The following SNAPC4 variants were observed in gnomAD, a reference collection of about 807,000 sequenced individuals.
SNAPC4 encodes the protein small nuclear RNA activating complex polypeptide 4.
A neutral mutation model predicts 151.3 loss-of-function variants in SNAPC4; 127 were observed. The ratio of observed to expected loss-of-function variants is 0.84; its 90% confidence interval spans 0.73 to 0.97. The LOEUF is 0.97. Among genes scored for constraint, SNAPC4 ranks in the 50% least tolerant of loss-of-function variants. SNAPC4 has a pLI of 0.00. For synonymous variants in SNAPC4, 1,002 were observed against 824.4 expected, an observed-to-expected ratio of 1.22 and a Z score of -3.69; for missense variants, 2,186 against 1,935.0, an observed-to-expected ratio of 1.13 and a Z score of -2.43.
At chr9:136,382,407 C>T in intron 16 of SNAPC4, 71 bp from the exon 17 acceptor site, 1 of 1,265,342 alleles carries the variant, frequency 7.9e-7, no homozygotes, top group South Asian at 1.2e-5. Flanking sequence ...CCCTCGCTGC[C>T]CACACACGAC....
chr9:136,376,221 C>T (rs1833439368), intron 23 of SNAPC4, 128 bp downstream of exon 23: 1 of 1,128,676 alleles, frequency 8.9e-7, no homozygotes, highest in Non-Finnish European at 1.3e-6. Context: ...GACCCTGGAC[C>T]TGCCCACCTA....
chr9:136,380,964 C>G, intron 19 of SNAPC4, 114 bp from the exon 20 acceptor site: 1 of 640,384 alleles, frequency 1.6e-6, no homozygotes, highest in Non-Finnish European at 2.8e-6. Flanking sequence ...TACCTTGAGA[C>G]CTCAGCCTTC....
chr9:136,396,836 T>C (rs1428844253), intron 3 of SNAPC4, 141 bp downstream of exon 3: 2 of 748,006 alleles, frequency 2.7e-6, no homozygotes, highest in African/African-American at 1.7e-5. Context: ...AAATGCTTTT[T>C]AATTTTTTTA....
chr9:136,387,529 G>T lies in SNAPC4; in HGVS notation c.1281C>A (p.Ile427=), dbSNP rs1833930501. 1 of 1,613,994 alleles carries T rather than the reference G, an allele frequency of 6.2e-7. No individual in the cohort carries two copies. Among genetic ancestry groups the T allele is most frequent in the African/African-American group, 1.3e-5 (1 of 75,046 alleles). ...AKYGEQDWFK[I]REEVPGRSDA... Reference sequence around the variant, plus strand: ...CGCTCCTACCTGGCACCTCTTCCCGGATTTTAAACCAATCCTGCTCCCCGT... The same window carrying T: ...CGCTCCTACCTGGCACCTCTTCCCGTATTTTAAACCAATCCTGCTCCCCGT... The change falls in exon 13 of 24, where the codon ATC becomes ATA. Residue 427 remains isoleucine (I), a synonymous_variant. Transcript: ENST00000684778.
rs1189873149 is a variant in SNAPC4 at position 136,378,274 on chromosome 9, G to T, written c.3553C>A (p.Pro1185Thr). The T allele has an allele frequency of 5.6e-6, 9 of 1,606,036 alleles. No homozygotes were observed. Among genetic ancestry groups the T allele is most frequent in the Non-Finnish European group, 7.6e-6 (9 of 1,176,990 alleles). Residue 1185 changes from proline (P) to threonine (T), a missense_variant, in exon 22 of 24, where the codon CCT (proline) becomes ACT (threonine). Transcript: ENST00000684778. Reference sequence around the variant, plus strand: ...GCGTGGGAGGACGTCCTGGGCTCAGGTATCTCCCTGGCCACCTGGGCCTCT... The same window carrying T: ...GCGTGGGAGGACGTCCTGGGCTCAGTTATCTCCCTGGCCACCTGGGCCTCT... ...PGEAQVAREI[P>T]EPRTSSHADP...
Position 136,382,065 on chromosome 9 carries a change from C to T in SNAPC4, c.2076G>A (p.Gln692=), listed in dbSNP as rs1250369113. ...TAARSCTQKE[Q]LRQPPLPTSS... is the part of the protein sequence containing the mutation. ...AGGTGGGCAGGGGTGGCTGCCTCAG[C>T]TGCTCTTTCTGTAAGGAGAAGGCAG... The change falls in exon 18 of 24, where the codon CAG becomes CAA. Residue 692 remains glutamine, a synonymous_variant. Coordinates refer to ENST00000684778, the MANE Select transcript of SNAPC4 (RefSeq NM_003086.4). The T allele has an allele frequency of 1.3e-6, 2 of 1,585,568 alleles. No individual in the cohort carries two copies. Among genetic ancestry groups the T allele is most frequent in the East Asian group, 2.3e-5 (1 of 43,382 alleles).
At chr9:136,377,406 C>T in intron 22 of SNAPC4, 137 bp downstream of exon 22, 1 of 1,126,244 alleles carries the variant, frequency 8.9e-7, no homozygotes, top group Non-Finnish European at 1.2e-6. Context: ...GAACCAGCTT[C>T]CTCCTCCTAA....
rs755659299 is a variant in SNAPC4, at chr9:136,394,235, G to C, written c.632+14C>G. 1 of 1,600,008 alleles carries C rather than the reference G, an allele frequency of 6.2e-7. No individual in the cohort carries two copies. Among genetic ancestry groups the C allele is most frequent in the Admixed American group, 1.7e-5 (1 of 58,944 alleles). On this transcript the variant is annotated intron_variant, in intron 7 of 23. Coordinates refer to ENST00000684778, the MANE Select transcript of SNAPC4 (RefSeq NM_003086.4). ...AGCCTGAAGACCGTTTTTGACTTAT[G>C]GTTTTAGACTTACTTCAGTAACTTG...
chr9:136,380,331 G>A (rs1376783373), intron 20 of SNAPC4, among the ~76,000 whole-genome samples: 2 of 152,172 alleles, frequency 1.3e-5, no homozygotes, highest in Non-Finnish European at 2.9e-5. Flanking sequence ...AGGCCCAGGG[G>A]TACCCCACTG....
chr9:136,377,781 C>A lies in SNAPC4; in HGVS notation c.4046G>T (p.Gly1349Val). ...RPAGALQASL[G>V]LVRGQLQDNP... ...GTCCTGGAGCTGCCCCCGCACCAGC[C>A]CCAGTGAGGCTTGCAGTGCTCCGGC... The change falls in exon 22 of 24, where the codon GGG becomes GTG. Residue 1349 changes from glycine (G) to valine (V), a missense_variant. Coordinates refer to ENST00000684778, the MANE Select transcript of SNAPC4 (RefSeq NM_003086.4). The A allele has an allele frequency of 5.0e-6, 8 of 1,611,906 alleles. No individual in the cohort carries two copies. Among genetic ancestry groups the A allele is most frequent in the Non-Finnish European group, 6.8e-6 (8 of 1,179,648 alleles).
At chr9:136,375,951 G>A (rs980997438) in intron 23 of SNAPC4, among the ~76,000 whole-genome samples, 151 bp from the exon 24 acceptor site, 2 of 152,212 alleles carry the variant, frequency 1.3e-5, no homozygotes, top group East Asian at 1.9e-4. Context: ...CAAGGGCCAG[G>A]CCAGGGCACC....
At chr9:136,395,123 C>T (rs1000537245) in intron 5 of SNAPC4, among the ~76,000 whole-genome samples, 175 bp downstream of exon 5, 2 of 152,236 alleles carry the variant, frequency 1.3e-5, no homozygotes, top group Admixed American at 6.5e-5. Context: ...GTCCTGGCAG[C>T]CCAGCGCAGA....
In SNAPC4 at chr9:136,392,739, C is replaced by T. The variant is rs1290151847; in HGVS notation, c.671G>A (p.Ser224Asn). ...CTCCAGGGCTTGCCTCTCCAGCTCA[C>T]TGGAGACTTTGCTCTGCTTCTGGTG... ...YLHQKQSKVSSELERQALEKQ... is the reference protein window; with the variant it reads ...YLHQKQSKVSNELERQALEKQ... The change falls in exon 8 of 24, where the codon AGT becomes AAT. Residue 224 changes from serine (S) to asparagine (N), a missense_variant. Coordinates refer to ENST00000684778, the MANE Select transcript of SNAPC4 (RefSeq NM_003086.4). 1.9e-6 allele frequency: 3 copies of T among 1,613,594 alleles called. No individual in the cohort carries two copies. In the African/African-American group the frequency reaches 4.0e-5, roughly 22 times the overall value.
rs2131511318 is a variant in SNAPC4 at position 136,394,408 on chromosome 9, C to G, written c.551-78G>C. ...CAGCCCCCACGGTTGGTGTGCACTT[C>G]CCGAGGCAGTGGTGGGGGGCCCCAC... On this transcript the variant is annotated intron_variant, in intron 6 of 23. Transcript: ENST00000684778. 2.2e-6 allele frequency: 3 copies of G among 1,333,864 alleles called. No individual in the cohort carries two copies. The East Asian group carries it at 6.9e-5, about 31-fold the overall frequency. The allele number at this position is 1,333,864 out of a possible 1,614,324, so 82.6% of individuals were successfully genotyped here.
chr9:136,379,791 G>T, intron 21 of SNAPC4, 46 bp downstream of exon 21: 1 of 1,596,010 alleles, frequency 6.3e-7, no homozygotes, highest in Non-Finnish European at 8.6e-7. Flanking sequence ...TCCCCGCCAG[G>T]GCCAGGTTAG....
In SNAPC4 at chr9:136,378,951, G is replaced by A. The variant is rs1219854777; in HGVS notation, c.2876C>T (p.Ala959Val). 1.9e-6 allele frequency: 3 copies of A among 1,609,208 alleles called. No individual in the cohort carries two copies. The highest frequency in any genetic ancestry group is 1.1e-5 in the South Asian group (1 of 90,212). The change falls in exon 22 of 24, where the codon GCG becomes GTG. Residue 959 changes from alanine (A) to valine (V), a missense_variant. Ala to Val is a moderately conservative substitution (Grantham distance 64). Coordinates refer to ENST00000684778, the MANE Select transcript of SNAPC4 (RefSeq NM_003086.4). ...GCCAGAAGTGCCAGGTTTGGCTGCC[G>A]CGGGGGCCCCAGGCCCAGAGAGCGG... ...NVPLSGPGAP[A>V]AAKPGTSGSW... is the part of the protein sequence containing the mutation.
chr9:136,395,273 CAA>C (rs1564395261), intron 5 of SNAPC4, 23 bp downstream of exon 5: 1 of 1,608,264 alleles, frequency 6.2e-7, no homozygotes, highest in African/African-American at 1.3e-5. Context: ...GCCTTGCCGA[CAA>C]GAGCAGGGCC....
intron 17 of SNAPC4, 32 bp from the exon 18 acceptor site, chr9:136,382,105 G>A (rs1270477860): frequency 1.3e-6 from 2 of 1,560,410 alleles, no homozygotes. Context: ...TGGGGCCCAT[G>A]GCCAGGCTCG....
At chr9:136,381,444 G>A (rs958426664) in intron 18 of SNAPC4, 52 bp from the exon 19 acceptor site, 1 of 1,495,146 alleles carries the variant, frequency 6.7e-7, no homozygotes, top group African/African-American at 1.4e-5. Context: ...CATGGGCACA[G>A]GGGGATGGGT....
Sources: gnomAD v4.1 joint callset for allele counts (sites outside exome capture counted in the v4.1 genomes callset) on GRCh38, gnomAD v4.1.1 for gene constraint, MANE v1.5 for transcripts, NCBI Gene and HGNC (gene_info 2026-07-23, HGNC 2026-07-21) for gene names.